The following ANKFN1 variants were observed in gnomAD, a reference collection of about 807,000 sequenced individuals.
The protein encoded by ANKFN1 is ankyrin repeat and fibronectin type III domain containing 1.
A neutral mutation model predicts 108.7 loss-of-function variants in ANKFN1; 74 were observed. The ratio of observed to expected loss-of-function variants is 0.68; its 90% CI spans 0.56 to 0.83. The LOEUF is 0.83. Among genes scored for constraint, ANKFN1 ranks in the 40% least tolerant of loss-of-function variants. The probability of loss-of-function intolerance (pLI) is 0.00; values close to 1 mark genes in which losing one functional copy is unlikely to be tolerated. For synonymous variants in ANKFN1, 547 were observed against 516.2 expected (o/e 1.06, Z -0.81); for missense variants, 1,505 against 1,382.3 (o/e 1.09, Z -1.41).
At chr17:56,110,377 C>A (rs1383880753) in intron 4 of ANKFN1, among the ~76,000 whole-genome samples, 2 of 152,178 alleles carry the variant, frequency 1.3e-5, no homozygotes, top group Non-Finnish European at 2.9e-5. Context: ...CCCTCCTCCA[C>A]CCTCACTCTA....
intron 4 of ANKFN1, among the ~76,000 whole-genome samples, chr17:56,088,683 G>A (rs530059318): frequency 6.6e-6 from 1 of 150,994 alleles, no homozygotes; most frequent in Admixed American, 6.6e-5. Flanking sequence ...CTTTCTCCTG[G>A]CTGACATCCT....
chr17:56,307,593 G>A (rs1359729127), intron 3 of ANKFN1, among the ~76,000 whole-genome samples: 1 of 152,204 alleles, frequency 6.6e-6, no homozygotes, highest in Non-Finnish European at 1.5e-5. Context: ...TGCTGGAGAG[G>A]ATGTGGAGAA....
chr17:56,081,200 T>A (rs947948248), intron 4 of ANKFN1, among the ~76,000 whole-genome samples: 1 of 152,120 alleles, frequency 6.6e-6, no homozygotes, highest in Non-Finnish European at 1.5e-5. Context: ...AGGCAAGTTT[T>A]AGAACAGGAG....
At chr17:56,193,619 T>C (rs912490821) in intron 1 of ANKFN1, among the ~76,000 whole-genome samples, 8 of 148,416 alleles carry the variant, frequency 5.4e-5, no homozygotes, top group Admixed American at 4.7e-4. Context: ...ACCTTACACA[T>C]TTCACAAAAA....
At chr17:56,369,663 G>A (rs1243613486) in intron 6 of ANKFN1, among the ~76,000 whole-genome samples, 2 of 152,036 alleles carry the variant, frequency 1.3e-5, no homozygotes, top group Non-Finnish European at 1.5e-5. Context: ...TAATAATAGG[G>A]AGAAACATGA....
At chr17:56,311,984 G>A (rs921308998) in intron 3 of ANKFN1, among the ~76,000 whole-genome samples, 8 of 152,094 alleles carry the variant, frequency 5.3e-5, no homozygotes, top group African/African-American at 1.4e-4. Flanking sequence ...AACTCTTCGC[G>A]GTCTCCTCTT....
chr17:56,065,342 C>G (rs185647774), intron 4 of ANKFN1, among the ~76,000 whole-genome samples: 16 of 152,292 alleles, frequency 1.1e-4, no homozygotes, highest in Admixed American at 1.0e-3. Flanking sequence ...ATGACTTTCT[C>G]CATATCAGCA....
intron 3 of ANKFN1, among the ~76,000 whole-genome samples, chr17:56,276,957 C>T (rs1030936418): frequency 3.3e-5 from 5 of 152,028 alleles, no homozygotes; most frequent in African/African-American, 7.2e-5. Flanking sequence ...TGGCAAATTC[C>T]GTTTTGAGGT....
intron 3 of ANKFN1, among the ~76,000 whole-genome samples, chr17:56,291,231 C>G (rs1330027001): frequency 6.6e-6 from 1 of 152,150 alleles, no homozygotes; most frequent in Non-Finnish European, 1.5e-5. Context: ...AGGACTATGT[C>G]TCTTCAGAAT....
rs1907189070 is a variant in ANKFN1, at chr17:56,130,136, A to G, written c.288+83811A>G. Among the ~76,000 whole-genome samples, 7 of 152,238 alleles carry G rather than the reference A, an allele frequency of 4.6e-5. No homozygotes were observed. The South Asian group carries it at 1.5e-3, about 32-fold the overall frequency. Reference sequence around the variant, plus strand: ...TTTATTTTTATATTTGTCAGCAGCAAGACTGTAGGATGGTTGTTAAACCTC... The same window carrying G: ...TTTATTTTTATATTTGTCAGCAGCAGGACTGTAGGATGGTTGTTAAACCTC... On this transcript the variant is annotated intron_variant, in intron 4 of 12. Transcript: ENST00000635860.
intron 6 of ANKFN1, among the ~76,000 whole-genome samples, chr17:56,367,064 T>C (rs947434235): frequency 1.3e-5 from 2 of 152,208 alleles, no homozygotes; most frequent in Non-Finnish European, 2.9e-5. Context: ...TCTTAGTGCC[T>C]CATTTTCTCA....
chr17:56,234,074 A>T (rs541483983), intron 3 of ANKFN1, among the ~76,000 whole-genome samples: 1 of 152,256 alleles, frequency 6.6e-6, no homozygotes, highest in Admixed American at 6.5e-5. Flanking sequence ...ACTTTCTTAA[A>T]CGTAGACAAT....
chr17:56,427,475 T>G (rs1208795863), intron 8 of ANKFN1, among the ~76,000 whole-genome samples: 1 of 152,158 alleles, frequency 6.6e-6, no homozygotes, highest in African/African-American at 2.4e-5. Flanking sequence ...GTAGCTGATA[T>G]GAACATACAG....
At chr17:56,144,594 T>C (rs1311390580) in intron 4 of ANKFN1, among the ~76,000 whole-genome samples, 2 of 152,170 alleles carry the variant, frequency 1.3e-5, no homozygotes, top group South Asian at 2.1e-4. Context: ...TTGGGTGCTT[T>C]CTTCTCTCAC....
At chr17:56,222,113 G>T (rs1428612331) in intron 2 of ANKFN1, among the ~76,000 whole-genome samples, 1 of 152,182 alleles carries the variant, frequency 6.6e-6, no homozygotes, top group African/African-American at 2.4e-5. Flanking sequence ...TTCTCAGCAG[G>T]ACTGCTTGTT....
intron 4 of ANKFN1, among the ~76,000 whole-genome samples, chr17:56,120,018 C>T (rs1390861659): frequency 6.6e-6 from 1 of 152,130 alleles, no homozygotes. Context: ...ATGTTGTTTC[C>T]ATTAATCTAA....
chr17:56,164,816 T>C (rs1335926472), intron 1 of ANKFN1, among the ~76,000 whole-genome samples: 1 of 152,204 alleles, frequency 6.6e-6, no homozygotes, highest in Non-Finnish European at 1.5e-5. Flanking sequence ...TACTTGATGG[T>C]GATAACTATT....
intron 4 of ANKFN1, among the ~76,000 whole-genome samples, chr17:56,148,330 T>G (rs192731742): frequency 6.6e-6 from 1 of 152,234 alleles, no homozygotes; most frequent in African/African-American, 2.4e-5. Context: ...TTTACACGAA[T>G]GGGATGATTC....
intron 4 of ANKFN1, among the ~76,000 whole-genome samples, chr17:56,073,765 A>G (rs928299750): frequency 6.6e-6 from 1 of 152,204 alleles, no homozygotes; most frequent in Non-Finnish European, 1.5e-5. Flanking sequence ...GAATCATACA[A>G]TATGTATTTG....
Sources: allele counts gnomAD v4.1 joint callset (sites outside exome capture counted in the v4.1 genomes callset), GRCh38; gene constraint gnomAD v4.1.1; transcripts MANE v1.5; gene names NCBI Gene and HGNC (gene_info 2026-07-23, HGNC 2026-07-21).